Variants in ZNF83 observed in about 807,000 individuals in gnomAD.
ZNF83 encodes zinc finger protein 816B.
For synonymous variants in ZNF83, 209 were observed against 213.0 expected (o/e 0.98, Z 0.17); for missense variants, 552 against 629.9 (o/e 0.88, Z 1.32).
intron 2 of ZNF83, among the ~76,000 whole-genome samples, chr19:52,660,415 T>C (rs954955224): frequency 2.7e-5 from 4 of 147,346 alleles, no homozygotes; most frequent in Non-Finnish European, 4.4e-5. Context: ...AGTCAGGGAT[T>C]TGAGACCAGC....
intron 1 of ZNF83, chr19:52,637,166 C>A (rs2061177002): frequency 6.6e-6 from 1 of 152,396 alleles, no homozygotes. Flanking sequence ...TACCTAACTT[C>A]TTGCTGTTCC....
chr19:52,613,515 A>G, exon 3 of ZNF83: 3 of 1,614,200 alleles, frequency 1.9e-6, no homozygotes, highest in East Asian at 4.5e-5. Flanking sequence ...AGACCTTGCC[A>G]CATTCATTAC....
chr19:52,680,758 GC>G (rs2061900758), intron 1 of ZNF83, among the ~76,000 whole-genome samples: 4 of 136,998 alleles, frequency 2.9e-5, no homozygotes, highest in African/African-American at 1.3e-4. Flanking sequence ...GACTACAGGC[GC>G]CCGCCACTAC....
rs375680921 is a variant in ZNF83, at chr19:52,663,610, T to TGA, written c.-282-2768_-282-2767insTC. Among the ~76,000 whole-genome samples, 498 of 152,354 alleles carry TGA rather than the reference T, an allele frequency of 3.3e-3. 5 individuals carry two copies. The highest frequency in any genetic ancestry group is 0.011 in the African/African-American group (469 of 41,578). ...TAGTGTAAAGAAAAAATTTCCTTGA[T>TGA]ATCTTTATTGAGTACACATTGAAAC... On this transcript the variant is annotated intron_variant, in intron 1 of 5. Transcript: ENST00000594682.
At chr19:52,645,527 C>T (rs567011663) in intron 3 of ZNF83, among the ~76,000 whole-genome samples, 13 of 152,206 alleles carry the variant, frequency 8.5e-5, no homozygotes, top group Non-Finnish European at 1.6e-4. Context: ...TTTATCTTGG[C>T]CAGGCACAGA....
At chr19:52,632,474 T>C (rs2868500) in intron 2 of ZNF83, among the ~76,000 whole-genome samples, 2 of 151,890 alleles carry the variant, frequency 1.3e-5, no homozygotes, top group African/African-American at 4.8e-5. Context: ...CCCAAAAAAC[T>C]TGTCATCCCT....
At chr19:52,689,729 T>C (rs1276793649) in intron 1 of ZNF83, among the ~76,000 whole-genome samples, 1 of 151,214 alleles carries the variant, frequency 6.6e-6, no homozygotes, top group East Asian at 1.9e-4. Context: ...TTCTTTTCTC[T>C]GTCTCAGGTT....
intron 2 of ZNF83, among the ~76,000 whole-genome samples, chr19:52,624,054 C>T (rs1232780010): frequency 6.6e-6 from 1 of 152,130 alleles, no homozygotes; most frequent in Non-Finnish European, 1.5e-5. Flanking sequence ...CTGACACTGA[C>T]ACTCATCAGT....
chr19:52,613,550 G>A (rs2060186630), exon 3 of ZNF83: 1 of 1,614,024 alleles, frequency 6.2e-7, no homozygotes, highest in Non-Finnish European at 8.5e-7. Context: ...TCTCCAGTGT[G>A]GATTCTCCAG....
In ZNF83 at chr19:52,621,311, A is replaced by G. The variant is rs79914887; in HGVS notation, c.-233-6514T>C. On this transcript the variant is annotated intron_variant, in intron 2 of 2. Transcript: ENST00000301096. ...ATCCCTCATCATCTTTCTCCTTTCA[A>G]TTTCAGCACCACCTTTCAATCTCTC... is the stretch of plus-strand genomic sequence containing the variant. 6.8e-3 allele frequency among the ~76,000 whole-genome samples: 1,039 copies of G among 152,112 alleles called. 16 individuals are homozygous for G. Among genetic ancestry groups the G allele is most frequent in the African/African-American group, 0.024 (990 of 41,494 alleles).
At chr19:52,666,478 C>A (rs995890507) in intron 1 of ZNF83, among the ~76,000 whole-genome samples, 2 of 152,082 alleles carry the variant, frequency 1.3e-5, no homozygotes, top group African/African-American at 4.8e-5. Flanking sequence ...ATCAAAAATC[C>A]TTAACCCAGT....
rs114383692 is a variant in ZNF83, at chr19:52,647,191, A to G, written c.-74+8370T>C. On this transcript the variant is annotated intron_variant, in intron 3 of 5. Coordinates refer to the ZNF83 transcript ENST00000594682. ...GGAAGAGAGTGAGACTCTCAAGTGA[A>G]TAAATCACTATCCTGTGGCTGAATA... 5.1e-3 allele frequency among the ~76,000 whole-genome samples: 773 copies of G among 152,344 alleles called. 4 individuals carry two copies. The highest frequency in any genetic ancestry group is 0.016 in the African/African-American group (682 of 41,578).
intron 2 of ZNF83, among the ~76,000 whole-genome samples, chr19:52,628,729 G>T (rs1310058723): frequency 6.6e-6 from 1 of 151,728 alleles, no homozygotes. Context: ...CTTTCTGGGG[G>T]GCAAGAAACC....
At chr19:52,631,280 T>TA in intron 2 of ZNF83, among the ~76,000 whole-genome samples, 1 of 152,010 alleles carries the variant, frequency 6.6e-6, no homozygotes, top group Non-Finnish European at 1.5e-5. Context: ...CTCAATCCCT[T>TA]ACAAAACAAC....
chr19:52,682,963 C>T (rs549288417), intron 1 of ZNF83, among the ~76,000 whole-genome samples: 10 of 152,202 alleles, frequency 6.6e-5, no homozygotes, highest in African/African-American at 2.4e-4. Context: ...CTCCACCTTC[C>T]GGGTTCAAGT....
intron 1 of ZNF83, among the ~76,000 whole-genome samples, chr19:52,666,618 CA>C (rs59937542): frequency 0.059 from 6,178 of 105,590 alleles, 95 homozygotes; most frequent in Non-Finnish European, 0.063. Context: ...TATCCTAAGT[CA>C]AAAAAAAAAA....
chr19:52,634,377 T>C (rs552885423), intron 2 of ZNF83, among the ~76,000 whole-genome samples: 2 of 152,272 alleles, frequency 1.3e-5, no homozygotes, highest in African/African-American at 4.8e-5. Flanking sequence ...AAATAGTAAC[T>C]ATTTTTACCA....
Position 52,681,280 on chromosome 19 carries a change from CAAAAAAAAAAA to C in ZNF83, c.-283+9152_-283+9162del, listed in dbSNP as rs56916405. Among the ~76,000 whole-genome samples, 18 of 75,428 alleles carry C rather than the reference CAAAAAAAAAAA, an allele frequency of 2.4e-4. No homozygotes were observed. In the South Asian group the frequency reaches 8.3e-3, roughly 35 times the overall value. The allele number at this position is 75,428 out of a possible 152,430, so 49.5% of individuals were successfully genotyped here. ...CCTGGGTGACAGAGTGAGACTTTCT[CAAAAAAAAAAA>C]AAAAAAAAAAGCAAACGAACATAGA... On this transcript the variant is annotated intron_variant, in intron 1 of 5. Transcript: ENST00000594682.
chr19:52,639,415 ATTTTTTT>A (rs1160711365), upstream of ZNF83, among the ~76,000 whole-genome samples: 3 of 86,350 alleles, frequency 3.5e-5, 1 homozygote, highest in Non-Finnish European at 6.2e-5. Flanking sequence ...AGTTTTTTCT[ATTTTTTT>A]TTTTTTTTTT....
Sources: gnomAD v4.1 joint callset for allele counts (sites outside exome capture counted in the v4.1 genomes callset) on GRCh38, gnomAD v4.1.1 for gene constraint, MANE v1.5 for transcripts, NCBI Gene and HGNC (gene_info 2026-07-23, HGNC 2026-07-21) for gene names.